The following PDCD11 variants were observed in gnomAD, a reference collection of about 807,000 sequenced individuals.
PDCD11 encodes protein RRP5 homolog.
A neutral mutation model predicts 198.9 loss-of-function variants in PDCD11; 97 were observed. The observed-to-expected ratio is 0.49, with a 90% CI of 0.41 to 0.58. The LOEUF (loss-of-function observed/expected upper bound fraction) is 0.58, where lower values mean the gene tolerates loss of function less well. Ranked by LOEUF, PDCD11 falls within the 20% of genes least tolerant of loss-of-function variation. PDCD11 has a pLI of 0.00. For missense variants in PDCD11, 2,102 were observed against 2,312.7 expected, an observed-to-expected ratio of 0.91 and a Z score of 1.87; for synonymous variants, 893 against 918.0, an observed-to-expected ratio of 0.97 and a Z score of 0.49.
intron 22 of PDCD11, 57 bp from the exon 23 acceptor site, chr10:103,433,891 A>G: frequency 3.7e-6 from 5 of 1,358,056 alleles, no homozygotes; most frequent in Non-Finnish European, 5.2e-6. Flanking sequence ...GAAAGTTTTA[A>G]TGGCGGGAAA....
chr10:103,413,323 G>A lies in PDCD11; in HGVS notation c.1185+1G>A. On this transcript the variant is annotated splice_donor_variant, in intron 9 of 35. Coordinates refer to ENST00000369797, the MANE Select transcript of PDCD11 (RefSeq NM_014976.2). LOFTEE classifies it high-confidence loss of function. ...GGATGGGGTTCTGGCCTATGCCCGG[G>A]TAAGGAGGCCTCTTTGTTTGGTCAG... 2 of 1,613,188 alleles carry A rather than the reference G, an allele frequency of 1.2e-6. No homozygotes were observed. Among genetic ancestry groups the A allele is most frequent in the Non-Finnish European group, 1.7e-6 (2 of 1,179,156 alleles).
Position 103,434,305 on chromosome 10 carries a change from G to T in PDCD11, c.3622G>T (p.Val1208Phe). 1 of 1,613,816 alleles carries T rather than the reference G, an allele frequency of 6.2e-7. No homozygotes were observed. The highest frequency in any genetic ancestry group is 8.5e-7 in the Non-Finnish European group (1 of 1,179,690). Residue 1208 changes from valine to phenylalanine, a missense_variant, in exon 24 of 36, where the codon GTT becomes TTT. Transcript: ENST00000369797. ...RVGQALRATV[V>F]GPDSSKTLLC... The stretch of plus-strand genomic sequence containing the variant: ...TGGCCAGGCCCTGAGGGCCACCGTT[G>T]TTGGCCCAGATTCCTCCAAGACCCT...
At chr10:103,437,303 G>C (rs560559307) in intron 25 of PDCD11, among the ~76,000 whole-genome samples, 1 of 152,032 alleles carries the variant, frequency 6.6e-6, no homozygotes, top group East Asian at 1.9e-4. Context: ...CACCACACCT[G>C]GCTTTTTAAA....
intron 2 of PDCD11, among the ~76,000 whole-genome samples, chr10:103,399,994 A>G (rs976591914): frequency 1.3e-5 from 2 of 152,166 alleles, no homozygotes; most frequent in African/African-American, 4.8e-5. Flanking sequence ...CCTGGATTTT[A>G]TATAATTTAG....
Position 103,442,240 on chromosome 10 carries a change from T to A in PDCD11, c.4735T>A (p.Leu1579Met). The A allele has an allele frequency of 6.2e-7, 1 of 1,613,760 alleles. No individual in the cohort carries two copies. The highest frequency in any genetic ancestry group is 8.5e-7 in the Non-Finnish European group (1 of 1,179,906). ...AAAGAAAAGCAAGAAAGAAAGGGAG[T>A]TGGAGAAGCAGAAGGCAGAGAAGGA... ...TIKKSKKERELEKQKAEKELS... is the reference protein window; with the variant it reads ...TIKKSKKEREMEKQKAEKELS... Residue 1579 changes from leucine (L) to methionine (M), a missense_variant, in exon 32 of 36, where the codon TTG becomes ATG. Transcript: ENST00000369797.
intron 11 of PDCD11, 106 bp downstream of exon 11, chr10:103,414,436 G>A (rs2030988150): frequency 2.7e-6 from 2 of 740,746 alleles, no homozygotes; most frequent in Non-Finnish European, 4.6e-6. Flanking sequence ...CACATTGAAT[G>A]TCATGTTCCT....
At position 103,406,067 on chromosome 10, in the gene PDCD11, C is replaced by T. The variant is rs2030427718; in HGVS notation, c.647C>T (p.Pro216Leu). ...IGVDGTRAFL[P>L]LLKAQEYIRQ... ...GTTGATGGGACCAGAGCTTTTCTGCCACTGCTGAAAGCCCAGGAGTACATC... is the reference window on the plus strand; with the variant it reads ...GTTGATGGGACCAGAGCTTTTCTGCTACTGCTGAAAGCCCAGGAGTACATC... Residue 216 changes from proline to leucine, a missense_variant, in exon 6 of 36, where the codon CCA (proline) becomes CTA (leucine). Pro to Leu is a moderately conservative substitution (Grantham distance 98). Coordinates refer to ENST00000369797, the MANE Select transcript of PDCD11 (RefSeq NM_014976.2). The T allele has an allele frequency of 6.2e-6, 10 of 1,614,122 alleles. No individual in the cohort carries two copies. The highest frequency in any genetic ancestry group is 8.5e-6 in the Non-Finnish European group (10 of 1,180,018).
intron 2 of PDCD11, among the ~76,000 whole-genome samples, chr10:103,399,426 A>G (rs1461404417): frequency 1.3e-5 from 2 of 151,988 alleles, no homozygotes; most frequent in African/African-American, 4.8e-5. Flanking sequence ...CTCAGGCTGG[A>G]CTTAAACTCC....
At position 103,412,638 on chromosome 10, in the gene PDCD11, T is replaced by A. The variant is rs533728195; in HGVS notation, c.979-478T>A. ...CACTGCTTCCAGCCTAACTTTTTTT[T>A]ATTAAAACTAGAGATGAGGTTTCGC... On this transcript the variant is annotated intron_variant, in intron 8 of 35. Coordinates refer to ENST00000369797, the MANE Select transcript of PDCD11 (RefSeq NM_014976.2). 2.6e-3 allele frequency among the ~76,000 whole-genome samples: 394 copies of A among 152,334 alleles called. 2 individuals are homozygous for A. Among genetic ancestry groups the A allele is most frequent in the African/African-American group, 9.0e-3 (374 of 41,582 alleles).
Position 103,440,839 on chromosome 10 carries a change from G to T in PDCD11, c.4546G>T (p.Val1516Leu). The change falls in exon 30 of 36, where the codon GTG becomes TTG. Residue 1516 changes from valine to leucine, a missense_variant. By Grantham distance (32) the Val-to-Leu change is conservative (BLOSUM62 1). Coordinates refer to ENST00000369797, the MANE Select transcript of PDCD11 (RefSeq NM_014976.2). ...EGKEEAEETN[V>L]LPKEKQTKPA... ...AAAAGAGGAGGCAGAAGAGACGAAT[G>T]TGCTGCCCAAGGTGAGGGTGACGTC... The T allele has an allele frequency of 6.2e-7, 1 of 1,610,810 alleles. No individual in the cohort carries two copies. The highest frequency in any genetic ancestry group is 8.5e-7 in the Non-Finnish European group (1 of 1,177,962).
intron 9 of PDCD11, 136 bp downstream of exon 9, chr10:103,413,458 T>C (rs751367324): frequency 1.9e-5 from 13 of 679,604 alleles, no homozygotes; most frequent in Admixed American, 5.4e-5. Context: ...TTCCTGTTCA[T>C]AGTGATTAGA....
chr10:103,400,562 A>G, intron 3 of PDCD11, 34 bp downstream of exon 3: 1 of 1,586,636 alleles, frequency 6.3e-7, no homozygotes, highest in Non-Finnish European at 8.6e-7. Flanking sequence ...TAAACAATCG[A>G]CCTTGGTTGC....
intron 19 of PDCD11, among the ~76,000 whole-genome samples, chr10:103,424,197 G>A (rs892797214): frequency 6.6e-6 from 1 of 152,104 alleles, no homozygotes; most frequent in African/African-American, 2.4e-5. Context: ...CCACACCCTC[G>A]CCTGCCTTGT....
At chr10:103,433,853 T>C (rs549613631) in intron 22 of PDCD11, 95 bp from the exon 23 acceptor site, 1 of 915,960 alleles carries the variant, frequency 1.1e-6, no homozygotes, top group African/African-American at 1.6e-5. Context: ...AAAAGTGTAC[T>C]GGGGCCCTTT....
chr10:103,421,133 C>T (rs150510940), intron 16 of PDCD11, among the ~76,000 whole-genome samples: 11 of 152,268 alleles, frequency 7.2e-5, no homozygotes, highest in African/African-American at 2.2e-4. Flanking sequence ...CTCGGCCTCC[C>T]GAAGTGCTGG....
intron 12 of PDCD11, 128 bp from the exon 13 acceptor site, chr10:103,416,363 A>G (rs2031107168): frequency 1.6e-5 from 13 of 831,870 alleles, no homozygotes; most frequent in South Asian, 1.3e-4. Flanking sequence ...TGAGATGATT[A>G]GAGGAAAAGC....
rs2031535672 is a variant in PDCD11 at position 103,423,152 on chromosome 10, C to T, written c.2647+15C>T. ...CCATCGCGCAGGTGAGTGCTTCTGT[C>T]TTACCCATTGTGGTTGGTGGGAGGA... On this transcript the variant is annotated intron_variant, in intron 18 of 35. Coordinates refer to ENST00000369797, the MANE Select transcript of PDCD11 (RefSeq NM_014976.2). The T allele has an allele frequency of 6.5e-7, 1 of 1,541,174 alleles. No homozygotes were observed. Among genetic ancestry groups the T allele is most frequent in the African/African-American group, 1.4e-5 (1 of 72,384 alleles).
intron 3 of PDCD11, among the ~76,000 whole-genome samples, chr10:103,401,363 C>T (rs184049794): frequency 6.0e-4 from 92 of 152,242 alleles, no homozygotes; most frequent in Non-Finnish European, 1.1e-3. Flanking sequence ...ACCTCTGCCT[C>T]CCGGGTTCAA....
At chr10:103,441,595 G>A (rs1470832847) in intron 30 of PDCD11, among the ~76,000 whole-genome samples, 2 of 152,186 alleles carry the variant, frequency 1.3e-5, no homozygotes, top group Admixed American at 1.3e-4. Context: ...ATGCATGTGT[G>A]TGTGTGAAAA....
Sources: allele counts gnomAD v4.1 joint callset (sites outside exome capture counted in the v4.1 genomes callset), GRCh38; gene constraint gnomAD v4.1.1; transcripts MANE v1.5; gene names NCBI Gene and HGNC (gene_info 2026-07-23, HGNC 2026-07-21).